The following WDR27 variants were observed in gnomAD, a reference collection of about 807,000 sequenced individuals.
WDR27 encodes WD repeat domain 27, also known as WD repeat-containing protein 27.
Under a neutral mutation model 114.4 loss-of-function variants are expected in WDR27, and 100 were observed. That is an observed-to-expected ratio of 0.87 (90% CI 0.74 to 1.03). The LOEUF is 1.03. WDR27 is among the 50% of genes least tolerant of loss of function. The pLI is 0.00. For synonymous variants in WDR27, 449 were observed against 423.1 expected (o/e 1.06, Z -0.75); for missense variants, 1,129 against 1,092.9 (o/e 1.03, Z -0.47).
intron 2 of WDR27, among the ~76,000 whole-genome samples, chr6:169,672,833 G>A (rs1216734315): frequency 6.6e-6 from 1 of 152,098 alleles, no homozygotes; most frequent in East Asian, 1.9e-4. Flanking sequence ...AGAAAGGTGA[G>A]GCCCAGGTGT....
rs1442545875 is a variant in WDR27, at chr6:169,638,562, C to G, written c.1846G>C (p.Gly616Arg). 1 of 1,610,896 alleles carries G rather than the reference C, an allele frequency of 6.2e-7. No individual in the cohort carries two copies. Among genetic ancestry groups the G allele is most frequent in the Non-Finnish European group, 8.5e-7 (1 of 1,178,894 alleles). ...DGTLRMWSARGAELALLLGKD... is the reference protein window; with the variant it reads ...DGTLRMWSARRAELALLLGKD... ...ACCAGAAGCAGTGCGAGCTCTGCCC[C>G]ACGAGCCGACCACATTCGCAGGGTC... Residue 616 changes from glycine to arginine, a missense_variant, in exon 18 of 26, where the codon GGG becomes CGG. Coordinates refer to ENST00000448612, the MANE Select transcript of WDR27 (RefSeq NM_182552.5).
At chr6:169,599,706 A>C (rs1005716567) in intron 23 of WDR27, among the ~76,000 whole-genome samples, 4 of 152,158 alleles carry the variant, frequency 2.6e-5, no homozygotes, top group African/African-American at 9.7e-5. Flanking sequence ...CTTTTCAAAA[A>C]ACCGGCTCCT....
At chr6:169,648,634 G>A (rs1055388343) in intron 15 of WDR27, among the ~76,000 whole-genome samples, 5 of 152,236 alleles carry the variant, frequency 3.3e-5, no homozygotes, top group African/African-American at 1.2e-4. Flanking sequence ...ACCCATGTAC[G>A]TTAAAATGAG....
intron 25 of WDR27, among the ~76,000 whole-genome samples, chr6:169,478,136 A>AG (rs1787449160): frequency 6.6e-6 from 1 of 150,378 alleles, no homozygotes; most frequent in Admixed American, 6.6e-5. Flanking sequence ...GATGCCTACA[A>AG]GGGGGGCCAA....
intron 17 of WDR27, among the ~76,000 whole-genome samples, chr6:169,643,305 T>C (rs1180536106): frequency 2.0e-5 from 3 of 152,244 alleles, no homozygotes; most frequent in African/African-American, 7.2e-5. Flanking sequence ...AAAAAAAAAT[T>C]GTTTGCTTTG....
intron 25 of WDR27, among the ~76,000 whole-genome samples, chr6:169,475,884 TCTC>T (rs1389632866): frequency 6.6e-6 from 1 of 152,252 alleles, no homozygotes; most frequent in Admixed American, 6.5e-5. Flanking sequence ...GGACCATTCT[TCTC>T]CTACATATTT....
At chr6:169,599,373 T>C (rs574966852) in intron 23 of WDR27, among the ~76,000 whole-genome samples, 4 of 152,302 alleles carry the variant, frequency 2.6e-5, no homozygotes, top group Non-Finnish European at 5.9e-5. Context: ...TCACATTAGT[T>C]ATGGTTTATT....
At chr6:169,638,322 CAAAAAAAAAAAAAAAA>C (rs60501000) in intron 18 of WDR27, among the ~76,000 whole-genome samples, 1 of 11,062 alleles carries the variant, frequency 9.0e-5, no homozygotes, top group African/African-American at 2.1e-4. Flanking sequence ...GACTCCGTCT[CAAAAAAAAAAAAAAAA>C]AAAAAAAAAA....
chr6:169,559,105 T>C (rs1190279196), intron 25 of WDR27: 1 of 152,216 alleles, frequency 6.6e-6, no homozygotes, highest in East Asian at 1.9e-4. Flanking sequence ...CAACCACAAA[T>C]CTTGAAGCCA....
chr6:169,532,979 T>C (rs551412231), intron 25 of WDR27, among the ~76,000 whole-genome samples: 1 of 152,066 alleles, frequency 6.6e-6, no homozygotes, highest in South Asian at 2.1e-4. Context: ...AACAAAAACA[T>C]ATATATGTGT....
chr6:169,587,322 G>A (rs945920969), intron 23 of WDR27, among the ~76,000 whole-genome samples: 9 of 149,864 alleles, frequency 6.0e-5, no homozygotes, highest in Admixed American at 3.4e-4. Flanking sequence ...GGGCTCAAGC[G>A]ATTCTCCTGC....
intron 25 of WDR27, among the ~76,000 whole-genome samples, chr6:169,553,899 C>T (rs1170279713): frequency 6.6e-6 from 1 of 152,168 alleles, no homozygotes; most frequent in Non-Finnish European, 1.5e-5. Context: ...AGCAGAAGAC[C>T]TGATTTTACT....
At chr6:169,664,576 CCCA>C in intron 7 of WDR27, 2 of 1,289,304 alleles carry the variant, frequency 1.6e-6, no homozygotes, top group Non-Finnish European at 2.0e-6. Context: ...AACCCCAGGC[CCCA>C]GGCTCTCTGC....
At chr6:169,639,224 G>A (rs1039819398) in intron 17 of WDR27, among the ~76,000 whole-genome samples, 8 of 151,910 alleles carry the variant, frequency 5.3e-5, no homozygotes, top group African/African-American at 1.2e-4. Context: ...GCGTGGTGCC[G>A]GGTACTGCGT....
rs898332948 is a variant in WDR27, at chr6:169,630,366, C to T, written c.2223+2581G>A. ...GGTAACAGCGAGTCACAGTTCAAATCGGCGCATGTCAAGTGAACAGATTCC... is the reference window on the plus strand; with the variant it reads ...GGTAACAGCGAGTCACAGTTCAAATTGGCGCATGTCAAGTGAACAGATTCC... On this transcript the variant is annotated intron_variant, in intron 21 of 25. Transcript: ENST00000448612. Among the ~76,000 whole-genome samples the T allele has an allele frequency of 9.2e-5, 14 of 152,266 alleles. 1 individual carries two copies. The highest frequency in any genetic ancestry group is 6.2e-4 in the South Asian group (3 of 4,828).
rs537673487 is a variant in WDR27, at chr6:169,622,693, T to C, written c.2224-9037A>G. 2.0e-5 allele frequency among the ~76,000 whole-genome samples: 3 copies of C among 152,326 alleles called. No individual in the cohort carries two copies. The East Asian group carries it at 5.8e-4, about 29-fold the overall frequency. On this transcript the variant is annotated intron_variant, in intron 21 of 25. Coordinates refer to ENST00000448612, the MANE Select transcript of WDR27 (RefSeq NM_182552.5). ...AACAGGAAACTTTTCAAAGAAGTGA[T>C]ATTTTTACTGTGTCCCTCCTCAGGA...
chr6:169,462,329 C>G (rs913873460), intron 25 of WDR27, among the ~76,000 whole-genome samples: 1 of 151,770 alleles, frequency 6.6e-6, no homozygotes, highest in African/African-American at 2.4e-5. Context: ...CCCAGCTACT[C>G]GAGAGGCTGA....
At chr6:169,428,150 A>T in the WDR27 span, among the ~76,000 whole-genome samples, 1 of 152,128 alleles carries the variant, frequency 6.6e-6, no homozygotes, top group Non-Finnish European at 1.5e-5. Context: ...TTTTTACTTT[A>T]TCTTTTACTA....
At chr6:169,655,844 T>C (rs35604746) in intron 13 of WDR27, among the ~76,000 whole-genome samples, 266 of 152,268 alleles carry the variant, frequency 1.7e-3, no homozygotes, top group Non-Finnish European at 3.3e-3. Flanking sequence ...CTCAGCCTCC[T>C]GAGTAGCTGG....
Sources: gnomAD v4.1 joint callset for allele counts (sites outside exome capture counted in the v4.1 genomes callset) on GRCh38, gnomAD v4.1.1 for gene constraint, MANE v1.5 for transcripts, NCBI Gene and HGNC (gene_info 2026-07-23, HGNC 2026-07-21) for gene names.